DGKI: variants seen among roughly 807,000 people sequenced by gnomAD.
DGKI encodes the protein DAG kinase iota.
Under a neutral mutation model 147.5 loss-of-function variants are expected in DGKI, and 55 were observed. That is an observed-to-expected ratio of 0.37 (90% CI 0.30 to 0.47). The LOEUF (loss-of-function observed/expected upper bound fraction) is 0.47. Among genes scored for constraint, DGKI ranks in the 20% least tolerant of loss-of-function variants. DGKI has a pLI of 1.00. For missense variants in DGKI, 1,007 were observed against 1,323.8 expected (o/e 0.76, Z 3.71); for synonymous variants, 469 against 477.1 (o/e 0.98, Z 0.22).
chr7:137,719,080 G>A (rs1585405529), intron 1 of DGKI, among the ~76,000 whole-genome samples: 1 of 152,154 alleles, frequency 6.6e-6, no homozygotes, highest in Non-Finnish European at 1.5e-5. Context: ...AGATGACTCT[G>A]AAATGTAAAC....
chr7:137,624,441 T>C (rs1264894434), intron 6 of DGKI, among the ~76,000 whole-genome samples: 1 of 152,216 alleles, frequency 6.6e-6, no homozygotes, highest in Non-Finnish European at 1.5e-5. Flanking sequence ...AGGCACTGGC[T>C]AAGTAAGTCT....
chr7:137,593,443 T>C (rs549580241), intron 12 of DGKI, among the ~76,000 whole-genome samples: 1 of 152,334 alleles, frequency 6.6e-6, no homozygotes, highest in East Asian at 1.9e-4. Flanking sequence ...AGGTTTGAGA[T>C]CATTCTTGAG....
chr7:137,836,934 G>T (rs931877713), intron 1 of DGKI, among the ~76,000 whole-genome samples: 1 of 152,196 alleles, frequency 6.6e-6, no homozygotes, highest in East Asian at 1.9e-4. Flanking sequence ...CTCTCCTCAA[G>T]AGAGTTTGGT....
chr7:137,754,223 C>T (rs756191166), intron 1 of DGKI, among the ~76,000 whole-genome samples: 28 of 152,208 alleles, frequency 1.8e-4, no homozygotes, highest in Non-Finnish European at 4.0e-4. Flanking sequence ...TGCTTCACTC[C>T]CACCAGAAAT....
At chr7:137,471,365 G>A (rs992862130) in intron 23 of DGKI, among the ~76,000 whole-genome samples, 12 of 152,176 alleles carry the variant, frequency 7.9e-5, no homozygotes, top group African/African-American at 2.9e-4. Context: ...GTACAGAGGG[G>A]ACAGGAGAAG....
intron 1 of DGKI, among the ~76,000 whole-genome samples, chr7:137,705,939 A>T (rs1405348013): frequency 1.3e-5 from 2 of 152,066 alleles, no homozygotes; most frequent in South Asian, 4.1e-4. Flanking sequence ...ATCTTTATTT[A>T]TGAGCCCACA....
chr7:137,427,578 C>CA (rs1187614916), intron 28 of DGKI, among the ~76,000 whole-genome samples: 19 of 151,962 alleles, frequency 1.3e-4, no homozygotes, highest in African/African-American at 4.1e-4. Context: ...AATAGTGACA[C>CA]AAAAAACCCT....
Position 137,783,669 on chromosome 7 carries a change from T to C in DGKI, c.401+62793A>G, listed in dbSNP as rs905013037. On this transcript the variant is annotated intron_variant, in intron 1 of 32. Transcript: ENST00000614521. ...GTGAAAAGATCATTGCCTAGGCACA[T>C]AGTTGTCAGGTTATCCAAAGTCCAG... 9.2e-5 allele frequency among the ~76,000 whole-genome samples: 14 copies of C among 152,182 alleles called. 1 individual carries two copies. Among genetic ancestry groups the C allele is most frequent in the Admixed American group, 1.3e-4 (2 of 15,284 alleles).
chr7:137,724,579 TG>T (rs1794668219), intron 1 of DGKI, among the ~76,000 whole-genome samples: 1 of 152,262 alleles, frequency 6.6e-6, no homozygotes, highest in Admixed American at 6.5e-5. Flanking sequence ...GAACTAATGA[TG>T]AATTGTTGGT....
intron 25 of DGKI, 134 bp downstream of exon 25, chr7:137,466,768 C>G: frequency 1.2e-6 from 1 of 854,314 alleles, no homozygotes; most frequent in South Asian, 1.4e-5. Context: ...AAGGTTCAAG[C>G]TTAAGTTATG....
intron 28 of DGKI, among the ~76,000 whole-genome samples, chr7:137,413,963 A>G (rs1166739695): frequency 1.3e-5 from 2 of 152,184 alleles, no homozygotes; most frequent in Non-Finnish European, 2.9e-5. Flanking sequence ...TTGGCTTTCA[A>G]AAAATAGATT....
chr7:137,784,439 TA>T (rs1184900610), intron 1 of DGKI, among the ~76,000 whole-genome samples: 2 of 152,048 alleles, frequency 1.3e-5, no homozygotes, highest in African/African-American at 4.8e-5. Context: ...TTTAAATACG[TA>T]TGCACCTAAC....
chr7:137,509,561 G>A (rs770349899), intron 21 of DGKI, among the ~76,000 whole-genome samples: 12 of 152,166 alleles, frequency 7.9e-5, no homozygotes, highest in Non-Finnish European at 1.5e-4. Context: ...GTGGCCTGCT[G>A]AGCTGGAGAG....
At chr7:137,413,748 G>C (rs1028568890) in intron 28 of DGKI, among the ~76,000 whole-genome samples, 4 of 152,150 alleles carry the variant, frequency 2.6e-5, no homozygotes, top group Non-Finnish European at 4.4e-5. Context: ...TGAACAGTGA[G>C]TACATATGTG....
chr7:137,837,781 C>T (rs182259002), intron 1 of DGKI, among the ~76,000 whole-genome samples: 14 of 152,136 alleles, frequency 9.2e-5, no homozygotes, highest in African/African-American at 1.9e-4. Flanking sequence ...GTTTAGAAGC[C>T]GCCCAGTCTA....
intron 2 of DGKI, among the ~76,000 whole-genome samples, chr7:137,686,745 A>T (rs1823432454): frequency 6.6e-6 from 1 of 152,194 alleles, no homozygotes; most frequent in Admixed American, 6.5e-5. Context: ...TGCGCACTAA[A>T]TCAGTGCTCA....
intron 29 of DGKI, among the ~76,000 whole-genome samples, chr7:137,411,422 C>T (rs933532109): frequency 1.3e-5 from 2 of 152,122 alleles, no homozygotes; most frequent in African/African-American, 4.8e-5. Context: ...ATTTTAGAGC[C>T]CCTTCCATGA....
At chr7:137,535,904 A>T (rs1817501723) in intron 20 of DGKI, among the ~76,000 whole-genome samples, 1 of 151,916 alleles carries the variant, frequency 6.6e-6, no homozygotes, top group Non-Finnish European at 1.5e-5. Flanking sequence ...TTCAAATGCC[A>T]CTCCTTACGA....
At chr7:137,678,759 C>G (rs1823127799) in intron 2 of DGKI, 107 bp from the exon 3 acceptor site, 2 of 941,980 alleles carry the variant, frequency 2.1e-6, no homozygotes, top group Non-Finnish European at 3.4e-6. Flanking sequence ...ACCAAGGAGT[C>G]TAAACATTTC....
Sources: allele counts gnomAD v4.1 joint callset (sites outside exome capture counted in the v4.1 genomes callset), GRCh38; gene constraint gnomAD v4.1.1; transcripts MANE v1.5; gene names NCBI Gene and HGNC (gene_info 2026-07-23, HGNC 2026-07-21).